Variants in SPTB observed in about 807,000 individuals in gnomAD.
SPTB encodes spectrin beta chain, erythrocytic.
In SPTB, 45 loss-of-function variants were observed where a neutral mutation model predicts 256.2. The ratio of observed to expected loss-of-function variants is 0.18; its 90% CI spans 0.14 to 0.23. The LOEUF (loss-of-function observed/expected upper bound fraction) is 0.23. SPTB is among the 10% of genes least tolerant of loss of function. The probability of loss-of-function intolerance (pLI) is 1.00; values close to 1 mark genes in which losing one functional copy is unlikely to be tolerated. For synonymous variants in SPTB, 1,231 were observed against 1,243.1 expected, an observed-to-expected ratio of 0.99 and a Z score of 0.21; for missense variants, 2,715 against 3,040.4, an observed-to-expected ratio of 0.89 and a Z score of 2.52.
chr14:64,838,116 T>C (rs973491912), intron 1 of SPTB, among the ~76,000 whole-genome samples: 1 of 152,174 alleles, frequency 6.6e-6, no homozygotes, highest in Non-Finnish European at 1.5e-5. Flanking sequence ...TTGACATATA[T>C]GGCCAATTAT....
intron 33 of SPTB, among the ~76,000 whole-genome samples, chr14:64,751,697 G>T (rs781461634): frequency 6.6e-6 from 1 of 152,052 alleles, no homozygotes; most frequent in African/African-American, 2.4e-5. Flanking sequence ...GAACTGTGAA[G>T]GAATGAACAG....
intron 1 of SPTB, among the ~76,000 whole-genome samples, chr14:64,862,064 C>T (rs1246452901): frequency 1.3e-5 from 2 of 152,222 alleles, no homozygotes; most frequent in East Asian, 3.9e-4. Context: ...CAAATCGACA[C>T]CCCCAGCCCA....
Position 64,750,037 on chromosome 14 carries a change from A to T in SPTB, c.6720T>A (p.His2240Gln), listed in dbSNP as rs757580862. ...YHGEEPLALR[H>Q]AICEIAANYK... ...AGTTGGCAGCAATCTCACAGATGGC[A>T]TGTCTCAGGGCCAGGGGTTCCTCCC... The change falls in exon 34 of 36, where the codon CAT (histidine) becomes CAA (glutamine). Residue 2240 changes from histidine (H) to glutamine (Q), a missense_variant. Around this residue, in one of 4 missense-constraint regions of SPTB, gnomAD observed 2,239 missense variants for 2,384.4 expected, o/e 0.94. Coordinates refer to ENST00000644917, the MANE Select transcript of SPTB (RefSeq NM_001355436.2). 9 of 1,614,116 alleles carry T rather than the reference A, an allele frequency of 5.6e-6. No individual in the cohort carries two copies. Among genetic ancestry groups the T allele is most frequent in the African/African-American group, 1.3e-5 (1 of 74,950 alleles).
chr14:64,848,256 A>G (rs574078092), intron 1 of SPTB, among the ~76,000 whole-genome samples: 2 of 152,354 alleles, frequency 1.3e-5, no homozygotes, highest in African/African-American at 2.4e-5. Context: ...TTCTGGTGTC[A>G]TGATCCAAAT....
intron 1 of SPTB, among the ~76,000 whole-genome samples, chr14:64,861,498 C>G (rs2083970736): frequency 6.6e-6 from 1 of 152,170 alleles, no homozygotes; most frequent in African/African-American, 2.4e-5. Context: ...CGTGGCTGCA[C>G]TGACCGGCTC....
chr14:64,859,720 CTA>C (rs754269849), intron 1 of SPTB, among the ~76,000 whole-genome samples: 2 of 17,846 alleles, frequency 1.1e-4, no homozygotes, highest in Admixed American at 6.4e-4. Flanking sequence ...CTCTCTCTCT[CTA>C]TATATATATA....
At position 64,793,983 on chromosome 14, in the gene SPTB, G is replaced by T; in HGVS notation, c.1796-116C>A. The T allele has an allele frequency of 9.2e-7, 1 of 1,092,026 alleles. No homozygotes were observed. Among genetic ancestry groups the T allele is most frequent in the Non-Finnish European group, 1.3e-6 (1 of 781,572 alleles). 67.6% of individuals were successfully genotyped at this position (1,092,026 alleles called of 1,614,324 possible). A position where few individuals can be genotyped will look rare whatever the true frequency, so the allele number is the denominator to read the frequency against. On this transcript the variant is annotated intron_variant, in intron 13 of 35. Transcript: ENST00000644917. This position sits in a 1 kb window ranked among gnomAD's most constrained non-coding sequence, Gnocchi z 7.0. ...ACCCTGAAGCTGCCATGTCACTGGGGCTTTGGGGTTGGATGCAGGGGGGTC... is the reference window on the plus strand; with the variant it reads ...ACCCTGAAGCTGCCATGTCACTGGGTCTTTGGGGTTGGATGCAGGGGGGTC...
intron 2 of SPTB, among the ~76,000 whole-genome samples, chr14:64,809,262 C>CAA (rs57245539): frequency 0.035 from 3,223 of 90,890 alleles, 73 homozygotes; most frequent in South Asian, 0.08. Flanking sequence ...AACTTTGTAT[C>CAA]AAAAAAAAAA....
intron 1 of SPTB, among the ~76,000 whole-genome samples, chr14:64,831,026 T>C (rs1190659540): frequency 6.6e-6 from 1 of 152,192 alleles, no homozygotes; most frequent in Admixed American, 6.5e-5. Flanking sequence ...GCCTTTTCCC[T>C]CCTATCCAAC....
At chr14:64,834,922 T>G (rs1452266274) in intron 1 of SPTB, among the ~76,000 whole-genome samples, 3 of 152,250 alleles carry the variant, frequency 2.0e-5, no homozygotes, top group Non-Finnish European at 2.9e-5. Context: ...TTAGAATGGT[T>G]TCCATCCATA....
intron 1 of SPTB, among the ~76,000 whole-genome samples, chr14:64,878,419 T>G (rs1039434848): frequency 3.3e-5 from 5 of 152,142 alleles, no homozygotes; most frequent in Admixed American, 6.5e-5. Context: ...TGTTTTCAAT[T>G]GCATTTTGGA....
At chr14:64,813,536 T>C (rs145151920) in intron 2 of SPTB, among the ~76,000 whole-genome samples, 31 of 151,672 alleles carry the variant, frequency 2.0e-4, no homozygotes, top group African/African-American at 5.8e-4. Context: ...TTTGTTTGTT[T>C]TTCGAGATGG....
chr14:64,769,259 G>A (rs781634709), intron 28 of SPTB, 141 bp from the exon 29 acceptor site: 3 of 872,402 alleles, frequency 3.4e-6, no homozygotes, highest in African/African-American at 1.6e-5. Flanking sequence ...CTTGCCAGCT[G>A]TGTGGCCTGG....
Position 64,785,288 on chromosome 14 carries a change from C to T in SPTB, c.3855+249G>A, listed in dbSNP as rs2082543808. On this transcript the variant is annotated intron_variant, in intron 18 of 35. Transcript: ENST00000644917. The surrounding 1 kb of genome is among the most constrained non-coding windows in gnomAD (Gnocchi z 4.4). ...CTAGGTGATTCTAAAATAGACTGTCCCTAGACTACTCTTAAGAAACTCTGG... is the reference window on the plus strand; with the variant it reads ...CTAGGTGATTCTAAAATAGACTGTCTCTAGACTACTCTTAAGAAACTCTGG... Among the ~76,000 whole-genome samples the T allele has an allele frequency of 6.6e-6, 1 of 152,044 alleles. No individual in the cohort carries two copies.
At chr14:64,780,218 G>C (rs2082443414) in intron 20 of SPTB, among the ~76,000 whole-genome samples, 1 of 152,212 alleles carries the variant, frequency 6.6e-6, no homozygotes, top group Non-Finnish European at 1.5e-5. Context: ...TTAAGAGGAA[G>C]AGTAGGACTG....
chr14:64,840,921 G>A (rs879385330), intron 1 of SPTB, among the ~76,000 whole-genome samples: 1 of 152,190 alleles, frequency 6.6e-6, no homozygotes, highest in African/African-American at 2.4e-5. Context: ...CCAAAGGGAT[G>A]TTATATATGT....
At chr14:64,789,558 C>T (rs955712490) in intron 15 of SPTB, among the ~76,000 whole-genome samples, 2 of 152,076 alleles carry the variant, frequency 1.3e-5, no homozygotes, top group African/African-American at 4.8e-5. Flanking sequence ...GGGGCCATGC[C>T]AGTAAGCTGA....
intron 8 of SPTB, 49 bp from the exon 9 acceptor site, chr14:64,799,983 A>G (rs1195101297): frequency 6.2e-7 from 1 of 1,600,164 alleles, no homozygotes; most frequent in Non-Finnish European, 8.5e-7. Flanking sequence ...CAATGCCACC[A>G]CTGAGGATAT....
At chr14:64,813,850 T>C (rs989146738) in intron 2 of SPTB, among the ~76,000 whole-genome samples, 9 of 152,222 alleles carry the variant, frequency 5.9e-5, no homozygotes, top group Admixed American at 3.9e-4. Flanking sequence ...TTAACTGCCA[T>C]GAACTTGTGA....
Sources: gnomAD v4.1 joint callset for allele counts (sites outside exome capture counted in the v4.1 genomes callset) on GRCh38, gnomAD v4.1.1 for gene constraint, gnomAD v4.1.1 regional missense constraint, Gnocchi (gnomAD v3.1) non-coding constraint, MANE v1.5 for transcripts, NCBI Gene and HGNC (gene_info 2026-07-23, HGNC 2026-07-21) for gene names.